The following DGKQ variants were observed in gnomAD, a reference collection of about 807,000 sequenced individuals.
DGKQ encodes diacylglycerol kinase theta.
In DGKQ, 97 loss-of-function variants were observed where a neutral mutation model predicts 104.2. The observed-to-expected ratio is 0.93, with a 90% CI of 0.79 to 1.10. The LOEUF is 1.10. DGKQ is among the 50% of genes least tolerant of loss of function. The pLI is 0.00. For missense variants in DGKQ, 1,465 were observed against 1,352.1 expected, an observed-to-expected ratio of 1.08 and a Z score of -1.31; for synonymous variants, 736 against 595.2, an observed-to-expected ratio of 1.24 and a Z score of -3.44.
intron 13 of DGKQ, 85 bp downstream of exon 13, chr4:965,843 G>A: frequency 7.1e-7 from 1 of 1,414,450 alleles, no homozygotes; most frequent in Non-Finnish European, 9.4e-7. Flanking sequence ...GGAGAGGCAG[G>A]AGCCGGCTCA....
At position 961,569 on chromosome 4, in the gene DGKQ, C is replaced by G; in HGVS notation, c.2472G>C (p.Ser824=). The G allele has an allele frequency of 6.2e-7, 1 of 1,608,786 alleles. No homozygotes were observed. The highest frequency in any genetic ancestry group is 8.5e-7 in the Non-Finnish European group (1 of 1,178,452). Residue 824 remains serine (S), a synonymous_variant, in exon 21 of 23, where the codon TCG becomes TCC. Transcript: ENST00000273814. ...LIFINIPSWG[S]GADLWGSDSD... is the part of the protein sequence containing the mutation. Reference sequence around the variant, plus strand: ...TGTCGGAGCCCCACAGGTCGGCCCCCGAGCCCCAGCTGCCGCATAAGAGAG... The same window carrying G: ...TGTCGGAGCCCCACAGGTCGGCCCCGGAGCCCCAGCTGCCGCATAAGAGAG...
intron 12 of DGKQ, 77 bp downstream of exon 12, chr4:966,389 G>A (rs1712339423): frequency 2.0e-6 from 3 of 1,502,298 alleles, no homozygotes; most frequent in Non-Finnish European, 2.8e-6. Flanking sequence ...GGCGTCTGGG[G>A]CACACCCACC....
At chr4:967,701 G>C in intron 7 of DGKQ, 27 bp downstream of exon 7, 1 of 1,612,138 alleles carries the variant, frequency 6.2e-7, no homozygotes, top group Non-Finnish European at 8.5e-7. Flanking sequence ...CCTCAGTGGA[G>C]TTGGGGGGAA....
rs754520219 is a variant in DGKQ, at chr4:960,584, G to A, written c.*36C>T. On this transcript the variant is annotated 3_prime_UTR_variant, in exon 23 of 23. Transcript: ENST00000273814. ...CCTGAAAACAAGGCTGGCGGGAGCA[G>A]AGATGGCTCGAGCCCTTGGGCTGCC... The A allele has an allele frequency of 1.3e-6, 2 of 1,581,094 alleles. No homozygotes were observed. The highest frequency in any genetic ancestry group is 1.1e-5 in the South Asian group (1 of 90,396).
At chr4:964,330 C>T (rs1195188966) in intron 15 of DGKQ, among the ~76,000 whole-genome samples, 5 of 152,190 alleles carry the variant, frequency 3.3e-5, no homozygotes, top group Non-Finnish European at 7.3e-5. Flanking sequence ...ACTGGGGTCA[C>T]GATCAAGGGT....
rs1711666023 is a variant in DGKQ, at chr4:959,088, TCA to T, written c.*1530_*1531del. On this transcript the variant is annotated 3_prime_UTR_variant, in exon 23 of 23. Transcript: ENST00000273814. ...ACCAGGGCTCGCGAAGCAAAACTAATCACAAAGGACTGGTCTTGAAGATGACA... is the reference window on the plus strand; with the variant it reads ...ACCAGGGCTCGCGAAGCAAAACTAATCAAAGGACTGGTCTTGAAGATGACA... 1 of 152,824 alleles carries T rather than the reference TCA, an allele frequency of 6.5e-6. No individual in the cohort carries two copies. Among genetic ancestry groups the T allele is most frequent in the Non-Finnish European group, 1.5e-5 (1 of 68,418 alleles). The allele number at this position is 152,824 out of a possible 1,614,324, so 9.5% of individuals were successfully genotyped here. A position where few individuals can be genotyped will look rare whatever the true frequency, so the allele number is the denominator to read the frequency against.
intron 15 of DGKQ, among the ~76,000 whole-genome samples, chr4:963,698 T>G (rs1473251450): frequency 6.6e-6 from 1 of 152,162 alleles, no homozygotes; most frequent in African/African-American, 2.4e-5. Flanking sequence ...GTGCACACCT[T>G]TGGAGGATGG....
intron 12 of DGKQ, 112 bp from the exon 13 acceptor site, chr4:966,190 G>T (rs1223947754): frequency 1.6e-5 from 19 of 1,171,102 alleles, no homozygotes; most frequent in Non-Finnish European, 2.2e-5. Context: ...ACACTCCCAG[G>T]AATTAAGTCA....
intron 3 of DGKQ, 63 bp from the exon 4 acceptor site, chr4:968,627 C>T: frequency 6.7e-7 from 1 of 1,491,302 alleles, no homozygotes; most frequent in East Asian, 2.4e-5. Context: ...TCTGCCGGTG[C>T]TTGGGTCTGC....
chr4:961,681 C>T lies in DGKQ; in HGVS notation c.2462+7G>A, dbSNP rs777556393. ...CAGAGCCTCTGGGGAGCCCCGCCCG[C>T]GAGCACCTGGGGATGTTGATGAAGA... is the stretch of plus-strand genomic sequence containing the variant. On this transcript the variant is annotated splice_region_variant and intron_variant, in intron 20 of 22. Transcript: ENST00000273814. The T allele has an allele frequency of 1.2e-5, 19 of 1,612,432 alleles. No individual in the cohort carries two copies. The highest frequency in any genetic ancestry group is 4.4e-5 in the South Asian group (4 of 91,080).
chr4:968,594 GC>G, intron 3 of DGKQ, 30 bp from the exon 4 acceptor site: 1 of 1,562,080 alleles, frequency 6.4e-7, no homozygotes, highest in East Asian at 2.3e-5. Flanking sequence ...AGAGGTGTCT[GC>G]CGCCCCCGGA....
chr4:971,133 G>C lies in DGKQ; in HGVS notation c.272-61C>G. The C allele has an allele frequency of 8.4e-6, 11 of 1,309,854 alleles. No homozygotes were observed. Among genetic ancestry groups the C allele is most frequent in the Non-Finnish European group, 1.1e-5 (10 of 931,436 alleles). 81.1% of individuals were successfully genotyped at this position (1,309,854 alleles called of 1,614,324 possible). On this transcript the variant is annotated intron_variant, in intron 1 of 22. Coordinates refer to ENST00000273814, the MANE Select transcript of DGKQ (RefSeq NM_001347.4). The surrounding 1 kb of genome is among the most constrained non-coding windows in gnomAD (Gnocchi z 4.0). Reference sequence around the variant, plus strand: ...CCTACCCAATGGCTGTCCTACCCAGGAAGTTAGAGGCCCCAGGGCAATGAC... The same window carrying C: ...CCTACCCAATGGCTGTCCTACCCAGCAAGTTAGAGGCCCCAGGGCAATGAC...
rs571529572 is a variant in DGKQ, at chr4:960,546, T to C, written c.*74A>G. 45 of 1,384,572 alleles carry C rather than the reference T, an allele frequency of 3.3e-5. No homozygotes were observed. In the East Asian group the frequency reaches 1.0e-3, roughly 31 times the overall value. 85.8% of individuals were successfully genotyped at this position (1,384,572 alleles called of 1,614,324 possible). A position where few individuals can be genotyped will look rare whatever the true frequency, so the allele number is the denominator to read the frequency against. On this transcript the variant is annotated 3_prime_UTR_variant, in exon 23 of 23. Coordinates refer to ENST00000273814, the MANE Select transcript of DGKQ (RefSeq NM_001347.4). Reference sequence around the variant, plus strand: ...GCCGGCCACTGTGTGGACGTGGAGCTGCCTCCAGACCACCTGAAAACAAGG... The same window carrying C: ...GCCGGCCACTGTGTGGACGTGGAGCCGCCTCCAGACCACCTGAAAACAAGG...
rs1323351794 is a variant in DGKQ at position 966,292 on chromosome 4, C to G, written c.1428+174G>C. ...GAGGACCTCGGGGAGATCTGCAGCT[C>G]GAGGCCTCCCTGCAGGGACCAAGTA... is the stretch of plus-strand genomic sequence containing the variant. On this transcript the variant is annotated intron_variant, in intron 12 of 22. Coordinates refer to ENST00000273814, the MANE Select transcript of DGKQ (RefSeq NM_001347.4). 7 of 848,300 alleles carry G rather than the reference C, an allele frequency of 8.3e-6. No homozygotes were observed. In the East Asian group the frequency reaches 1.9e-4, roughly 23 times the overall value. 52.5% of individuals were successfully genotyped at this position (848,300 alleles called of 1,614,324 possible).
In DGKQ at chr4:967,574, C is replaced by G; in HGVS notation, c.962G>C (p.Arg321Pro). Residue 321 changes from arginine to proline, a missense_variant, in exon 8 of 23, where the codon CGC becomes CCC. Arg to Pro is a moderately radical substitution (Grantham distance 103). Transcript: ENST00000273814. ...RSQFRLVTVS[R>P]LAGAEEVLEA... ...CAGCACCTCCTCGGCACCGGCCAGG[C>G]GGGACACCGTGACGAGGCGGAACTG... 1.9e-6 allele frequency: 3 copies of G among 1,612,566 alleles called. No individual in the cohort carries two copies. The highest frequency in any genetic ancestry group is 3.3e-4 in the Middle Eastern group (2 of 6,060).
chr4:962,591 G>T lies in DGKQ; in HGVS notation c.2058C>A (p.Leu686=). Residue 686 remains leucine (L), a synonymous_variant, in exon 18 of 23, where the codon CTC becomes CTA. Coordinates refer to ENST00000273814, the MANE Select transcript of DGKQ (RefSeq NM_001347.4). The stretch of plus-strand genomic sequence containing the variant: ...CGCCGCTGTAGCCCGCCCCCCAGCG[G>T]AGGACTCGACCAAGGTCATTCCCTG... ...LGTGNDLGRV[L]RWGAGYSGED... The T allele has an allele frequency of 6.2e-7, 1 of 1,608,806 alleles. No homozygotes were observed.
rs1313714243 is a variant in DGKQ, at chr4:971,297, T to C, written c.272-225A>G. ...TGGTCCTGACCATCCTGGAGGACAATGAGTGTATCCTCTCATCCAGAGAGC... is the reference window on the plus strand; with the variant it reads ...TGGTCCTGACCATCCTGGAGGACAACGAGTGTATCCTCTCATCCAGAGAGC... On this transcript the variant is annotated intron_variant, in intron 1 of 22. Coordinates refer to ENST00000273814, the MANE Select transcript of DGKQ (RefSeq NM_001347.4). This position sits in a 1 kb window ranked among gnomAD's most constrained non-coding sequence, Gnocchi z 4.0. 6.6e-6 allele frequency among the ~76,000 whole-genome samples: 1 copy of C among 152,172 alleles called. No homozygotes were observed. Among genetic ancestry groups the C allele is most frequent in the Non-Finnish European group, 1.5e-5 (1 of 68,040 alleles).
At chr4:970,147 C>G (rs967565998) in intron 2 of DGKQ, among the ~76,000 whole-genome samples, 1 of 152,260 alleles carries the variant, frequency 6.6e-6, no homozygotes, top group Non-Finnish European at 1.5e-5. Flanking sequence ...TCATTAGGAA[C>G]AGGGCGTCAG....
chr4:966,339 C>T (rs916056799), intron 12 of DGKQ, 127 bp downstream of exon 12: 2 of 1,105,098 alleles, frequency 1.8e-6, no homozygotes, highest in Admixed American at 4.1e-5. Context: ...GGGCGCTGCC[C>T]TGTCAGCCAG....
Sources: gnomAD v4.1 joint callset for allele counts (sites outside exome capture counted in the v4.1 genomes callset) on GRCh38, gnomAD v4.1.1 for gene constraint, Gnocchi (gnomAD v3.1) non-coding constraint, MANE v1.5 for transcripts, NCBI Gene and HGNC (gene_info 2026-07-23, HGNC 2026-07-21) for gene names.